DOCK9: variants seen among roughly 807,000 people sequenced by gnomAD.
The protein encoded by DOCK9 is dedicator of cytokinesis 9.
DOCK9 carries 89 observed loss-of-function variants against 263.3 expected under a neutral mutation model. The ratio of observed to expected loss-of-function variants is 0.34; its 90% CI spans 0.28 to 0.40. The LOEUF (loss-of-function observed/expected upper bound fraction) is 0.40. Among genes scored for constraint, DOCK9 ranks in the 10% least tolerant of loss-of-function variants. The pLI, the probability that DOCK9 is intolerant of heterozygous loss-of-function variation, is 1.00. For missense variants in DOCK9, 2,140 were observed against 2,603.4 expected (o/e 0.82, Z 3.87); for synonymous variants, 976 against 973.1 (o/e 1.00, Z -0.06).
intron 1 of DOCK9, among the ~76,000 whole-genome samples, chr13:98,990,492 T>C (rs1879551282): frequency 6.6e-6 from 1 of 152,208 alleles, no homozygotes; most frequent in African/African-American, 2.4e-5. Context: ...CAACAACTCA[T>C]TTTGAAATAA....
chr13:98,919,886 C>A (rs2051606968), intron 7 of DOCK9, among the ~76,000 whole-genome samples: 1 of 152,264 alleles, frequency 6.6e-6, no homozygotes, highest in Non-Finnish European at 1.5e-5. Flanking sequence ...TTTTCTCTCA[C>A]CCTTATCCCA....
chr13:99,003,279 G>A (rs1237978874), intron 1 of DOCK9, among the ~76,000 whole-genome samples: 2 of 152,174 alleles, frequency 1.3e-5, no homozygotes, highest in Non-Finnish European at 2.9e-5. Context: ...TATTTCTTTA[G>A]CTAAGATTCT....
intron 52 of DOCK9, among the ~76,000 whole-genome samples, 197 bp downstream of exon 52, chr13:98,796,918 G>A (rs555494954): frequency 3.5e-4 from 53 of 152,216 alleles, no homozygotes; most frequent in African/African-American, 1.1e-3. Flanking sequence ...CCTGCTTGCC[G>A]TAGATAACAG....
chr13:98,841,627 T>C, intron 38 of DOCK9, among the ~76,000 whole-genome samples: 1 of 150,714 alleles, frequency 6.6e-6, no homozygotes. Context: ...TTTTTTTTTT[T>C]TTTTTTTTTT....
intron 1 of DOCK9, among the ~76,000 whole-genome samples, chr13:99,069,403 A>G (rs2041573826): frequency 6.6e-6 from 1 of 152,232 alleles, no homozygotes; most frequent in African/African-American, 2.4e-5. Flanking sequence ...CTAGCTTGGG[A>G]CTAATGAAAT....
intron 2 of DOCK9, among the ~76,000 whole-genome samples, chr13:98,942,238 TTTTTTTTTTG>T (rs2056024117): frequency 2.0e-5 from 3 of 150,684 alleles, no homozygotes; most frequent in African/African-American, 4.9e-5. Context: ...TTTTGTTGTT[TTTTTTTTTTG>T]TTTTTTTGAG....
intron 1 of DOCK9, among the ~76,000 whole-genome samples, chr13:99,064,860 C>CT (rs1336950019): frequency 6.6e-6 from 1 of 152,182 alleles, no homozygotes; most frequent in Non-Finnish European, 1.5e-5. Context: ...TAAACACTCT[C>CT]TAAAAAATGA....
chr13:99,068,381 G>A (rs1417234713), intron 1 of DOCK9, among the ~76,000 whole-genome samples: 1 of 152,178 alleles, frequency 6.6e-6, no homozygotes, highest in African/African-American at 2.4e-5. Flanking sequence ...TCAGAAGTTT[G>A]AAACCAGCCT....
chr13:98,832,570 C>G (rs2140983379), intron 39 of DOCK9, among the ~76,000 whole-genome samples: 1 of 152,304 alleles, frequency 6.6e-6, no homozygotes, highest in South Asian at 2.1e-4. Flanking sequence ...GTAGAAAATT[C>G]ACACAAATTA....
chr13:98,916,406 A>G (rs902236538), intron 7 of DOCK9, among the ~76,000 whole-genome samples: 39 of 152,316 alleles, frequency 2.6e-4, no homozygotes, highest in Admixed American at 2.1e-3. Context: ...GCTGAGCGAT[A>G]TGAAATCAAA....
intron 39 of DOCK9, among the ~76,000 whole-genome samples, chr13:98,836,262 T>A (rs558660070): frequency 6.6e-6 from 1 of 152,214 alleles, no homozygotes; most frequent in Non-Finnish European, 1.5e-5. Flanking sequence ...GTGTTGCTGC[T>A]GCTGTTCTGA....
Position 98,832,202 on chromosome 13 carries a change from C to T in DOCK9, c.4315-416G>A, listed in dbSNP as rs182838315. 3.0e-5 allele frequency: 5 copies of T among 168,446 alleles called. No homozygotes were observed. The East Asian group carries it at 8.1e-4, about 27-fold the overall frequency. The allele number at this position is 168,446 out of a possible 1,614,324, so 10.4% of individuals were successfully genotyped here. A position where few individuals can be genotyped will look rare whatever the true frequency, so the allele number is the denominator to read the frequency against. On this transcript the variant is annotated intron_variant, in intron 39 of 52. Transcript: ENST00000682017. The stretch of plus-strand genomic sequence containing the variant: ...AAGTAAGGTATATGAAACAGGTCTT[C>T]GAAAAGGGAAAAGTGATCTCCCCAG...
chr13:98,861,396 G>A (rs1438519093), intron 32 of DOCK9, among the ~76,000 whole-genome samples: 1 of 152,154 alleles, frequency 6.6e-6, no homozygotes, highest in Non-Finnish European at 1.5e-5. Flanking sequence ...AAGGTAGGAA[G>A]ATGAACAACC....
At chr13:98,892,767 G>A (rs530408448) in intron 15 of DOCK9, among the ~76,000 whole-genome samples, 23 of 152,316 alleles carry the variant, frequency 1.5e-4, no homozygotes, top group Admixed American at 1.4e-3. Flanking sequence ...TCTACCAGAA[G>A]GCAGAGTATC....
intron 1 of DOCK9, among the ~76,000 whole-genome samples, chr13:99,055,875 G>A (rs761438589): frequency 1.3e-4 from 20 of 151,494 alleles, no homozygotes; most frequent in Non-Finnish European, 2.6e-4. Flanking sequence ...CAGGATCTGA[G>A]GCCTATGATA....
chr13:98,951,903 C>CTTTTTTTTTTT (rs71114563), intron 2 of DOCK9, among the ~76,000 whole-genome samples: 4 of 134,908 alleles, frequency 3.0e-5, no homozygotes, highest in South Asian at 2.5e-4. Context: ...TTAATATTCC[C>CTTTTTTTTTTT]TTTTTTTTTT....
At chr13:98,918,271 T>C (rs2051236119) in intron 7 of DOCK9, among the ~76,000 whole-genome samples, 1 of 152,078 alleles carries the variant, frequency 6.6e-6, no homozygotes, top group Non-Finnish European at 1.5e-5. Context: ...TCTTGCTGAG[T>C]AGAAGACACT....
intron 27 of DOCK9, among the ~76,000 whole-genome samples, chr13:98,868,885 G>A (rs1196501751): frequency 6.6e-6 from 1 of 152,180 alleles, no homozygotes; most frequent in Non-Finnish European, 1.5e-5. Flanking sequence ...ATTAAAACTG[G>A]AACCTCAAAC....
rs767476410 is a variant in DOCK9 at position 98,808,743 on chromosome 13, G to A, written c.5367+609C>T. ...ATATAATGCTCATAGAAAACCACAC[G>A]CCCTAAATATATGTATTATAATTTA... On this transcript the variant is annotated intron_variant, in intron 47 of 52. Transcript: ENST00000682017. 144 of 977,194 alleles carry A rather than the reference G, an allele frequency of 1.5e-4. 1 individual carries two copies. Among genetic ancestry groups the A allele is most frequent in the Admixed American group, 3.5e-4 (16 of 46,242 alleles). The allele number at this position is 977,194 out of a possible 1,614,324, so 60.5% of individuals were successfully genotyped here. A position where few individuals can be genotyped will look rare whatever the true frequency, so the allele number is the denominator to read the frequency against.
Sources: allele counts gnomAD v4.1 joint callset (sites outside exome capture counted in the v4.1 genomes callset), GRCh38; gene constraint gnomAD v4.1.1; transcripts MANE v1.5; gene names NCBI Gene and HGNC (gene_info 2026-07-23, HGNC 2026-07-21).